PTPRO: variants seen among roughly 807,000 people sequenced by gnomAD.
PTPRO encodes protein tyrosine phosphatase receptor type O, also known as receptor-type tyrosine-protein phosphatase O.
PTPRO carries 62 observed loss-of-function variants against 145.2 expected under a neutral mutation model. The observed-to-expected ratio is 0.43, with a 90% confidence interval of 0.35 to 0.53. The LOEUF is 0.53. PTPRO is among the 20% of genes least tolerant of loss of function. The probability of loss-of-function intolerance (pLI) is 0.01; values close to 1 mark genes in which losing one functional copy is unlikely to be tolerated. For synonymous variants in PTPRO, 565 were observed against 514.7 expected (o/e 1.10, Z -1.32); for missense variants, 1,345 against 1,482.7 (o/e 0.91, Z 1.53).
At chr12:15,494,313 G>C in intron 2 of PTPRO, among the ~76,000 whole-genome samples, 1 of 151,894 alleles carries the variant, frequency 6.6e-6, no homozygotes, top group East Asian at 1.9e-4. Flanking sequence ...CTGGTCATAA[G>C]AAAAAAAGGG....
chr12:15,507,438 TA>T, intron 6 of PTPRO, among the ~76,000 whole-genome samples: 1 of 104,312 alleles, frequency 9.6e-6, no homozygotes, highest in Non-Finnish European at 2.2e-5. Context: ...AATAAATAAA[TA>T]AATAAATAAA....
chr12:15,539,378 C>A (rs1464249383), intron 12 of PTPRO, among the ~76,000 whole-genome samples: 1 of 152,042 alleles, frequency 6.6e-6, no homozygotes, highest in East Asian at 1.9e-4. Context: ...CTCTATTGAT[C>A]TTTAGAAGTT....
intron 12 of PTPRO, among the ~76,000 whole-genome samples, chr12:15,527,191 C>T (rs1476587819): frequency 6.6e-6 from 1 of 152,180 alleles, no homozygotes; most frequent in Non-Finnish European, 1.5e-5. Flanking sequence ...GCGACCGATT[C>T]CAGAGCCATA....
At position 15,405,405 on chromosome 12, in the gene PTPRO, A is replaced by G. The variant is rs117901244; in HGVS notation, c.76-78569A>G. Among the ~76,000 whole-genome samples, 691 of 152,292 alleles carry G rather than the reference A, an allele frequency of 4.5e-3. 2 individuals carry two copies. Among genetic ancestry groups the G allele is most frequent in the Middle Eastern group, 0.017 (5 of 294 alleles). On this transcript the variant is annotated intron_variant, in intron 1 of 26. Transcript: ENST00000281171. ...TTTCTGAGCTTTGGACCAAACTTTT[A>G]TCATTTCAGTGTGGTGACAGTGTAT...
chr12:15,399,323 C>G (rs1190891279), intron 1 of PTPRO, among the ~76,000 whole-genome samples: 1 of 152,144 alleles, frequency 6.6e-6, no homozygotes, highest in African/African-American at 2.4e-5. Flanking sequence ...GAGGTATGTA[C>G]TGGTGGTATT....
chr12:15,425,318 A>G (rs1940255427), intron 1 of PTPRO, among the ~76,000 whole-genome samples: 1 of 152,134 alleles, frequency 6.6e-6, no homozygotes, highest in Non-Finnish European at 1.5e-5. Flanking sequence ...TAACAATCCT[A>G]TGGGGAAGGT....
At chr12:15,591,387 A>AT (rs1565450610) in intron 25 of PTPRO, among the ~76,000 whole-genome samples, 1 of 151,812 alleles carries the variant, frequency 6.6e-6, no homozygotes, top group African/African-American at 2.4e-5. Context: ...AACAAAAAAA[A>AT]CTTAGTAGAT....
At chr12:15,482,265 A>G (rs920662843) in intron 1 of PTPRO, among the ~76,000 whole-genome samples, 2 of 152,080 alleles carry the variant, frequency 1.3e-5, no homozygotes, top group African/African-American at 2.4e-5. Context: ...GAAGGACATT[A>G]TATCAAGTGA....
intron 4 of PTPRO, among the ~76,000 whole-genome samples, chr12:15,501,248 T>G (rs570992111): frequency 6.8e-6 from 1 of 147,754 alleles, no homozygotes; most frequent in South Asian, 2.3e-4. Flanking sequence ...TTTGTTTTGG[T>G]TTTTTTGTAA....
intron 1 of PTPRO, among the ~76,000 whole-genome samples, chr12:15,473,880 A>G (rs772844142): frequency 6.6e-6 from 1 of 152,176 alleles, no homozygotes; most frequent in African/African-American, 2.4e-5. Flanking sequence ...CATTTTTACG[A>G]AAGACATTTT....
At chr12:15,444,601 C>T (rs1477619637) in intron 1 of PTPRO, among the ~76,000 whole-genome samples, 1 of 151,258 alleles carries the variant, frequency 6.6e-6, no homozygotes, top group Non-Finnish European at 1.5e-5. Context: ...AATTTGTTTG[C>T]CGAAACGTAA....
At chr12:15,351,840 A>G (rs897802942) in intron 1 of PTPRO, among the ~76,000 whole-genome samples, 2 of 152,146 alleles carry the variant, frequency 1.3e-5, no homozygotes, top group African/African-American at 4.8e-5. Flanking sequence ...GCCAAAATGT[A>G]TTTTTTTATT....
At chr12:15,592,437 T>C (rs1335218809) in intron 25 of PTPRO, among the ~76,000 whole-genome samples, 1 of 152,182 alleles carries the variant, frequency 6.6e-6, no homozygotes, top group Non-Finnish European at 1.5e-5. Context: ...TCCAGCCTTC[T>C]CTACATTGCC....
Position 15,439,931 on chromosome 12 carries a change from A to G in PTPRO, c.76-44043A>G, listed in dbSNP as rs566705176. The G allele has an allele frequency of 4.1e-5, 28 of 675,686 alleles. 1 individual carries two copies. The African/African-American group carries it at 4.7e-4, about 11-fold the overall frequency. The allele number at this position is 675,686 out of a possible 1,614,324, so 41.9% of individuals were successfully genotyped here. A position where few individuals can be genotyped will look rare whatever the true frequency, so the allele number is the denominator to read the frequency against. On this transcript the variant is annotated intron_variant, in intron 1 of 26. Coordinates refer to ENST00000281171, the MANE Select transcript of PTPRO (RefSeq NM_030667.3). ...TGCCATTGGGGACTACAATGGCCAC[A>G]TCGGTCTGGGTGTTAAGTGCTCCAA...
At chr12:15,572,983 T>C (rs1280824179) in intron 19 of PTPRO, among the ~76,000 whole-genome samples, 1 of 152,192 alleles carries the variant, frequency 6.6e-6, no homozygotes, top group Admixed American at 6.5e-5. Flanking sequence ...AAGTGTTTGA[T>C]TGAGAAATAT....
intron 13 of PTPRO, 89 bp from the exon 14 acceptor site, chr12:15,549,005 C>A: frequency 7.2e-7 from 1 of 1,383,370 alleles, no homozygotes; most frequent in Non-Finnish European, 1.0e-6. Context: ...TTTACTCTGT[C>A]AATCTATTAC....
At chr12:15,460,241 A>G (rs966655600) in intron 1 of PTPRO, among the ~76,000 whole-genome samples, 1 of 152,186 alleles carries the variant, frequency 6.6e-6, no homozygotes, top group Admixed American at 6.5e-5. Context: ...AGGCCTTGCT[A>G]CCAGCATGTG....
At chr12:15,585,327 A>G (rs766421032) in intron 23 of PTPRO, among the ~76,000 whole-genome samples, 3 of 152,174 alleles carry the variant, frequency 2.0e-5, no homozygotes, top group Non-Finnish European at 4.4e-5. Context: ...ATTCTGCACA[A>G]TTCTTTATGC....
intron 15 of PTPRO, among the ~76,000 whole-genome samples, chr12:15,554,359 C>T (rs1482836261): frequency 6.6e-6 from 1 of 151,468 alleles, no homozygotes; most frequent in Non-Finnish European, 1.5e-5. Context: ...ACTAATAGTA[C>T]ATAGTAGTAT....
Sources: allele counts gnomAD v4.1 joint callset (sites outside exome capture counted in the v4.1 genomes callset), GRCh38; gene constraint gnomAD v4.1.1; transcripts MANE v1.5; gene names NCBI Gene and HGNC (gene_info 2026-07-23, HGNC 2026-07-21).